KCTD3: variants seen among roughly 807,000 people sequenced by gnomAD.
KCTD3 encodes the protein BTB/POZ domain-containing protein KCTD3.
KCTD3 carries 41 observed loss-of-function variants against 85.8 expected under a neutral mutation model. The observed-to-expected ratio is 0.48, with a 90% CI of 0.37 to 0.62. The LOEUF is 0.62. KCTD3 is among the 20% of genes least tolerant of loss of function. The pLI, the probability that KCTD3 is intolerant of heterozygous loss-of-function variation, is 0.00. For missense variants in KCTD3, 724 were observed against 989.9 expected, an observed-to-expected ratio of 0.73 and a Z score of 3.60; for synonymous variants, 338 against 345.4, an observed-to-expected ratio of 0.98 and a Z score of 0.24.
intron 13 of KCTD3, among the ~76,000 whole-genome samples, chr1:215,605,716 T>C (rs1212096682): frequency 6.6e-6 from 1 of 152,122 alleles, no homozygotes; most frequent in African/African-American, 2.4e-5. Flanking sequence ...CATCTACTTA[T>C]CTACTCAAGC....
rs148678616 is a variant in KCTD3 at position 215,571,890 on chromosome 1, C to A, written c.84-1896C>A. ...TCGTGATCTGCCCGCCTCGGCCTCC[C>A]AAAGTGCTGGGATTACAGGCGTGAG... On this transcript the variant is annotated intron_variant, in intron 1 of 17. Coordinates refer to ENST00000259154, the MANE Select transcript of KCTD3 (RefSeq NM_016121.5). Among the ~76,000 whole-genome samples, 5 of 152,192 alleles carry A rather than the reference C, an allele frequency of 3.3e-5. No homozygotes were observed. The East Asian group carries it at 9.6e-4, about 29-fold the overall frequency.
At chr1:215,611,734 C>A in intron 14 of KCTD3, 91 bp from the exon 15 acceptor site, 2 of 796,554 alleles carry the variant, frequency 2.5e-6, no homozygotes, top group East Asian at 2.7e-5. Flanking sequence ...ATAAGAAATT[C>A]TTTTCTTATA....
chr1:215,591,287 T>TTCCTTCC (rs1660198613), intron 9 of KCTD3, among the ~76,000 whole-genome samples: 5 of 110,932 alleles, frequency 4.5e-5, no homozygotes, highest in South Asian at 3.8e-4. Flanking sequence ...TCCTTCCTTC[T>TTCCTTCC]TTCCTTCCTT....
intron 9 of KCTD3, among the ~76,000 whole-genome samples, chr1:215,592,835 A>G (rs1204865833): frequency 6.6e-6 from 1 of 152,200 alleles, no homozygotes; most frequent in Non-Finnish European, 1.5e-5. Context: ...GGTTTCTGCT[A>G]TAAGCAATAT....
At chr1:215,618,606 T>C (rs1655545556) in intron 15 of KCTD3, 2 of 267,962 alleles carry the variant, frequency 7.5e-6, no homozygotes, top group East Asian at 1.6e-4. Context: ...TCTCTCAGGT[T>C]CTTTTATCTT....
At chr1:215,572,048 C>T (rs565781616) in intron 1 of KCTD3, among the ~76,000 whole-genome samples, 2 of 152,204 alleles carry the variant, frequency 1.3e-5, no homozygotes, top group African/African-American at 4.8e-5. Flanking sequence ...GTTACTGACA[C>T]TGAGACTGAT....
chr1:215,580,018 T>C lies in KCTD3; in HGVS notation c.626+19T>C. The C allele has an allele frequency of 6.9e-7, 1 of 1,445,300 alleles. No individual in the cohort carries two copies. Among genetic ancestry groups the C allele is most frequent in the Non-Finnish European group, 9.7e-7 (1 of 1,033,038 alleles). The allele number at this position is 1,445,300 out of a possible 1,614,324, so 89.5% of individuals were successfully genotyped here. A position where few individuals can be genotyped will look rare whatever the true frequency, so the allele number is the denominator to read the frequency against. On this transcript the variant is annotated intron_variant, in intron 8 of 17. Coordinates refer to ENST00000259154, the MANE Select transcript of KCTD3 (RefSeq NM_016121.5). ...GTTACAGGTAGTGTATAATTAATAA[T>C]GCTTTGCTTTTACAGGTGGCAGTTT...
intron 9 of KCTD3, among the ~76,000 whole-genome samples, chr1:215,591,090 A>G (rs1016994037): frequency 6.6e-6 from 1 of 151,992 alleles, no homozygotes; most frequent in Non-Finnish European, 1.5e-5. Context: ...CTTTTCTGGA[A>G]TCTTATTTAA....
intron 17 of KCTD3, 71 bp downstream of exon 17, chr1:215,619,362 C>A: frequency 1.6e-6 from 2 of 1,261,580 alleles, no homozygotes; most frequent in African/African-American, 1.5e-5. Flanking sequence ...ATATTGTAAT[C>A]ACATAGTTGT....
chr1:215,577,771 G>A (rs1659646912), intron 5 of KCTD3, 43 bp downstream of exon 5: 3 of 1,410,108 alleles, frequency 2.1e-6, no homozygotes, highest in African/African-American at 1.4e-5. Context: ...TTTGACTCAT[G>A]TATGAAAGTT....
At chr1:215,599,385 A>G (rs1654739970) in intron 10 of KCTD3, among the ~76,000 whole-genome samples, 1 of 152,172 alleles carries the variant, frequency 6.6e-6, no homozygotes, top group Non-Finnish European at 1.5e-5. Context: ...AAATAATGAT[A>G]AGTTTACAGG....
chr1:215,605,219 A>G (rs1055210944), intron 13 of KCTD3, among the ~76,000 whole-genome samples: 2 of 152,330 alleles, frequency 1.3e-5, no homozygotes, highest in South Asian at 4.1e-4. Flanking sequence ...CTAGAAGATA[A>G]TGCATCTTTT....
chr1:215,605,921 C>A (rs1307670492), intron 13 of KCTD3, among the ~76,000 whole-genome samples: 1 of 152,174 alleles, frequency 6.6e-6, no homozygotes, highest in Admixed American at 6.6e-5. Context: ...ACTTTTCCCT[C>A]TCTATGGTAC....
intron 14 of KCTD3, among the ~76,000 whole-genome samples, chr1:215,609,591 A>G (rs568969833): frequency 2.0e-5 from 3 of 151,970 alleles, no homozygotes; most frequent in Non-Finnish European, 4.4e-5. Context: ...CAGTGAAGAC[A>G]TGAGAGAGTG....
rs1199314832 is a variant in KCTD3 at position 215,586,551 on chromosome 1, C to G, written c.683C>G (p.Thr228Ser). ...QVFTSPYLDW[T>S]IERVALNAKV... ...TTTACGAGCCCATATTTGGATTGGA[C>G]TATCGAACGAGTAGCTTTAAATGCA... is the stretch of plus-strand genomic sequence containing the variant. The change falls in exon 9 of 18, where the codon ACT becomes AGT. Residue 228 changes from threonine to serine, a missense_variant. Transcript: ENST00000259154. 6.2e-7 allele frequency: 1 copy of G among 1,614,060 alleles called. No homozygotes were observed.
At chr1:215,594,112 G>A (rs770533493) in intron 9 of KCTD3, among the ~76,000 whole-genome samples, 5 of 152,008 alleles carry the variant, frequency 3.3e-5, no homozygotes, top group Non-Finnish European at 7.4e-5. Context: ...CACCCGCCCT[G>A]GCCTCCCAAA....
intron 14 of KCTD3, among the ~76,000 whole-genome samples, 198 bp from the exon 15 acceptor site, chr1:215,611,627 G>A (rs1450978925): frequency 6.6e-6 from 1 of 151,764 alleles, no homozygotes; most frequent in African/African-American, 2.4e-5. Context: ...AAATAATTGT[G>A]TATTTCTTTA....
In KCTD3 at chr1:215,621,665, A is replaced by G. The variant is rs562621767; in HGVS notation, c.*1047A>G. 95 of 152,704 alleles carry G rather than the reference A, an allele frequency of 6.2e-4. No individual in the cohort carries two copies. Among genetic ancestry groups the G allele is most frequent in the African/African-American group, 2.3e-3 (94 of 41,570 alleles). The allele number at this position is 152,704 out of a possible 1,614,324, so 9.5% of individuals were successfully genotyped here. The stretch of plus-strand genomic sequence containing the variant: ...TTAAAGCATTAGCATTTATTGGTGA[A>G]TAATGTATATATCCCCATTCCAAGA... On this transcript the variant is annotated 3_prime_UTR_variant, in exon 18 of 18. Transcript: ENST00000259154.
At chr1:215,596,086 C>T (rs998783476) in intron 10 of KCTD3, among the ~76,000 whole-genome samples, 1 of 152,074 alleles carries the variant, frequency 6.6e-6, no homozygotes, top group African/African-American at 2.4e-5. Context: ...AAGATGAGTA[C>T]ATTTGAAGAA....
Sources: allele counts gnomAD v4.1 joint callset (sites outside exome capture counted in the v4.1 genomes callset), GRCh38; gene constraint gnomAD v4.1.1; transcripts MANE v1.5; gene names NCBI Gene and HGNC (gene_info 2026-07-23, HGNC 2026-07-21).